The following AGBL1 variants were observed in gnomAD, a reference collection of about 807,000 sequenced individuals.
AGBL1 encodes AGBL carboxypeptidase 1, also known as cytosolic carboxypeptidase 4.
A neutral mutation model predicts 118.9 loss-of-function variants in AGBL1; 130 were observed. The ratio of observed to expected loss-of-function variants is 1.09; its 90% confidence interval spans 0.95 to 1.26. The LOEUF (loss-of-function observed/expected upper bound fraction) is 1.26, where lower values mean the gene tolerates loss of function less well. Ranked by LOEUF, AGBL1 falls within the 50% of genes most tolerant of loss-of-function variation. AGBL1 has a pLI of 0.00. For synonymous variants in AGBL1, 555 were observed against 478.9 expected (o/e 1.16, Z -2.08); for missense variants, 1,584 against 1,298.1 (o/e 1.22, Z -3.38).
At chr15:86,730,058 A>C (rs2077507286) in intron 22 of AGBL1, among the ~76,000 whole-genome samples, 1 of 152,180 alleles carries the variant, frequency 6.6e-6, no homozygotes, top group Non-Finnish European at 1.5e-5. Context: ...TGTTGGCTGC[A>C]TGTATGTCTT....
intron 24 of AGBL1, among the ~76,000 whole-genome samples, chr15:87,011,552 G>C (rs909340281): frequency 2.0e-5 from 3 of 152,178 alleles, no homozygotes; most frequent in Admixed American, 2.0e-4. Flanking sequence ...TCAGTGGTCA[G>C]CTTCTACTGT....
Position 86,123,848 on chromosome 15 carries a change from C to G in AGBL1, c.52-18156C>G, listed in dbSNP as rs74433671. Among the ~76,000 whole-genome samples, 1,135 of 152,214 alleles carry G rather than the reference C, an allele frequency of 7.5e-3. 11 individuals are homozygous for G. Among genetic ancestry groups the G allele is most frequent in the Middle Eastern group, 0.014 (4 of 294 alleles). Reference sequence around the variant, plus strand: ...ACTTGTATTTGGTTCAGAGTAAATCCCTTCAAATATTTTGCAGTGTTTGAC... The same window carrying G: ...ACTTGTATTTGGTTCAGAGTAAATCGCTTCAAATATTTTGCAGTGTTTGAC... On this transcript the variant is annotated intron_variant, in intron 1 of 22. Transcript: ENST00000614907.
intron 1 of AGBL1, among the ~76,000 whole-genome samples, chr15:86,134,029 AAC>A (rs2076853345): frequency 6.6e-6 from 1 of 152,160 alleles, no homozygotes; most frequent in Non-Finnish European, 1.5e-5. Context: ...CTTTCTTATG[AAC>A]TCATTTCAAC....
chr15:86,783,645 T>C (rs2078366637), intron 22 of AGBL1, among the ~76,000 whole-genome samples: 1 of 152,208 alleles, frequency 6.6e-6, no homozygotes, highest in Admixed American at 6.5e-5. Flanking sequence ...TTTGTATTTT[T>C]TTGAGACAGA....
chr15:86,742,239 T>C (rs2077691337), intron 22 of AGBL1, among the ~76,000 whole-genome samples: 1 of 152,144 alleles, frequency 6.6e-6, no homozygotes, highest in Non-Finnish European at 1.5e-5. Context: ...TTTTTGTACT[T>C]TTTATGAGCC....
intron 22 of AGBL1, among the ~76,000 whole-genome samples, chr15:86,861,950 G>T (rs1304537024): frequency 6.6e-6 from 1 of 152,218 alleles, no homozygotes; most frequent in Non-Finnish European, 1.5e-5. Context: ...CATTGTCCTA[G>T]GTGCTAAGGA....
At chr15:86,821,450 G>A (rs1037274727) in intron 22 of AGBL1, among the ~76,000 whole-genome samples, 7 of 152,104 alleles carry the variant, frequency 4.6e-5, no homozygotes, top group Admixed American at 2.6e-4. Flanking sequence ...TTTGGTCTTC[G>A]TGAAAAAACT....
At chr15:86,705,304 A>G (rs1235984964) in intron 22 of AGBL1, among the ~76,000 whole-genome samples, 1 of 152,188 alleles carries the variant, frequency 6.6e-6, no homozygotes, top group Non-Finnish European at 1.5e-5. Flanking sequence ...AAACAAAACA[A>G]AACAAAACAA....
intron 21 of AGBL1, among the ~76,000 whole-genome samples, chr15:86,642,964 C>T (rs1047997150): frequency 2.0e-5 from 3 of 152,004 alleles, no homozygotes; most frequent in African/African-American, 4.8e-5. Context: ...ATAGGTAGAG[C>T]GAGTTTGGGG....
Position 86,088,268 on chromosome 15 carries a change from GT to G in AGBL1, c.51+8246del, listed in dbSNP as rs1895795712. The G allele has an allele frequency of 2.0e-5, 3 of 152,286 alleles. No individual in the cohort carries two copies. In the South Asian group the frequency reaches 6.2e-4, roughly 32 times the overall value. The allele number at this position is 152,286 out of a possible 1,614,324, so 9.4% of individuals were successfully genotyped here. ...AAAGGTAGTGATGGAGCACGAGGTGGTAATTGCTGCGGCAAACTGCCAAGTA... is the reference window on the plus strand; with the variant it reads ...AAAGGTAGTGATGGAGCACGAGGTGGAATTGCTGCGGCAAACTGCCAAGTA... On this transcript the variant is annotated intron_variant, in intron 1 of 22. Transcript: ENST00000614907.
intron 3 of AGBL1, among the ~76,000 whole-genome samples, chr15:86,148,392 G>A (rs546971092): frequency 2.6e-5 from 4 of 152,232 alleles, no homozygotes; most frequent in South Asian, 2.1e-4. Flanking sequence ...AAGATTAGGC[G>A]AATGGCTAAC....
At chr15:86,115,119 A>G (rs1347017613) in intron 1 of AGBL1, among the ~76,000 whole-genome samples, 1 of 152,174 alleles carries the variant, frequency 6.6e-6, no homozygotes, top group East Asian at 1.9e-4. Context: ...TCTCAAAATG[A>G]CACAATGAGA....
At chr15:86,444,842 A>C (rs2082103213) in intron 18 of AGBL1, among the ~76,000 whole-genome samples, 1 of 152,176 alleles carries the variant, frequency 6.6e-6, no homozygotes. Flanking sequence ...GGGAAAAAGG[A>C]AGGAGGGGAG....
chr15:86,587,786 T>G (rs2084274920), intron 21 of AGBL1, among the ~76,000 whole-genome samples: 1 of 152,188 alleles, frequency 6.6e-6, no homozygotes, highest in Non-Finnish European at 1.5e-5. Context: ...GATGCTGCCA[T>G]GAGAACCCAC....
At chr15:86,975,480 C>T (rs1393480415) in intron 23 of AGBL1, among the ~76,000 whole-genome samples, 3 of 152,168 alleles carry the variant, frequency 2.0e-5, no homozygotes, top group South Asian at 4.1e-4. Flanking sequence ...ATGGGAGCTG[C>T]AATTCAAGAT....
chr15:86,279,344 A>G (rs960889796), intron 15 of AGBL1, among the ~76,000 whole-genome samples: 2 of 152,186 alleles, frequency 1.3e-5, no homozygotes, highest in African/African-American at 4.8e-5. Flanking sequence ...GTTCTAGCTC[A>G]GTGACTATAT....
intron 1 of AGBL1, among the ~76,000 whole-genome samples, chr15:86,109,444 A>T (rs1171888983): frequency 6.6e-6 from 1 of 152,144 alleles, no homozygotes; most frequent in Admixed American, 6.5e-5. Context: ...TTTTTCTCAT[A>T]TCTTTTCTGG....
At chr15:86,845,632 T>C (rs1390649058) in intron 22 of AGBL1, among the ~76,000 whole-genome samples, 1 of 152,212 alleles carries the variant, frequency 6.6e-6, no homozygotes, top group African/African-American at 2.4e-5. Context: ...CTCAATTATC[T>C]GAAAGAGTTG....
chr15:86,980,773 CAAATT>C (rs1471722648), intron 23 of AGBL1, among the ~76,000 whole-genome samples: 1 of 151,224 alleles, frequency 6.6e-6, no homozygotes, highest in East Asian at 1.9e-4. Flanking sequence ...TTTAAAAACT[CAAATT>C]ATATATTATT....
Sources: allele counts gnomAD v4.1 joint callset (sites outside exome capture counted in the v4.1 genomes callset), GRCh38; gene constraint gnomAD v4.1.1; transcripts MANE v1.5; gene names NCBI Gene and HGNC (gene_info 2026-07-23, HGNC 2026-07-21).